Variants in FAM107B observed in about 807,000 individuals in gnomAD.
The protein encoded by FAM107B is family with sequence similarity 107 member B, also known as protein FAM107B.
Under a neutral mutation model 31.5 loss-of-function variants are expected in FAM107B, and 21 were observed. That is an observed-to-expected ratio of 0.67 (90% CI 0.47 to 0.96). The LOEUF (loss-of-function observed/expected upper bound fraction) is 0.96, where lower values mean the gene tolerates loss of function less well. Ranked by LOEUF, FAM107B falls within the 40% of genes least tolerant of loss-of-function variation. The pLI, the probability that FAM107B is intolerant of heterozygous loss-of-function variation, is 0.00. For missense variants in FAM107B, 452 were observed against 377.1 expected (o/e 1.20, Z -1.64); for synonymous variants, 157 against 141.5 (o/e 1.11, Z -0.78).
At chr10:14,725,925 A>G (rs904711013) in intron 1 of FAM107B, among the ~76,000 whole-genome samples, 2 of 145,174 alleles carry the variant, frequency 1.4e-5, no homozygotes, top group African/African-American at 5.2e-5. Flanking sequence ...TCCCAGGTTC[A>G]AGCAATTCTC....
chr10:14,522,302 G>T, intron 3 of FAM107B: 1 of 363,700 alleles, frequency 2.7e-6, no homozygotes, highest in Non-Finnish European at 5.0e-6. Context: ...AGGGCAGTGA[G>T]GGTGGGGATG....
chr10:14,740,185 C>T (rs1045298410), intron 1 of FAM107B, among the ~76,000 whole-genome samples: 7 of 152,108 alleles, frequency 4.6e-5, no homozygotes, highest in Admixed American at 1.3e-4. Context: ...TTCATATTCG[C>T]CAAAACTTGG....
At chr10:14,530,300 A>C (rs754449389) in intron 3 of FAM107B, 32 bp downstream of exon 3, 1 of 1,072,538 alleles carries the variant, frequency 9.3e-7, no homozygotes, top group East Asian at 3.3e-5. Flanking sequence ...AAGTCCTCTT[A>C]AAAAAAAAAT....
At chr10:14,575,196 G>T (rs145734821) in intron 2 of FAM107B, among the ~76,000 whole-genome samples, 1 of 144,020 alleles carries the variant, frequency 6.9e-6, no homozygotes, top group Non-Finnish European at 1.5e-5. Context: ...CGCTAAAGAA[G>T]CTTTTTGTTT....
intron 2 of FAM107B, among the ~76,000 whole-genome samples, chr10:14,662,885 G>T (rs569268242): frequency 6.6e-6 from 1 of 152,172 alleles, no homozygotes; most frequent in Non-Finnish European, 1.5e-5. Context: ...GGTTGCCAAC[G>T]GAGATTAACG....
At chr10:14,743,527 G>A (rs1302361439) in intron 1 of FAM107B, among the ~76,000 whole-genome samples, 1 of 152,152 alleles carries the variant, frequency 6.6e-6, no homozygotes, top group Non-Finnish European at 1.5e-5. Context: ...GTTAATGTTT[G>A]TATAAGATAT....
intron 2 of FAM107B, among the ~76,000 whole-genome samples, chr10:14,623,242 C>CT (rs962855908): frequency 2.6e-5 from 4 of 152,090 alleles, no homozygotes; most frequent in African/African-American, 9.7e-5. Flanking sequence ...GCAAACGCAC[C>CT]TTATTCTTCT....
intron 1 of FAM107B, among the ~76,000 whole-genome samples, chr10:14,747,752 T>C (rs972537565): frequency 6.6e-5 from 10 of 152,210 alleles, no homozygotes; most frequent in African/African-American, 2.2e-4. Flanking sequence ...GCAACCCCTG[T>C]TGGGGGTGTC....
intron 2 of FAM107B, among the ~76,000 whole-genome samples, chr10:14,582,940 GC>G (rs766197494): frequency 3.9e-5 from 6 of 152,066 alleles, no homozygotes; most frequent in Non-Finnish European, 8.8e-5. Context: ...ACAAAAATTA[GC>G]CGGGCAGAGT....
chr10:14,774,596 G>A lies in FAM107B; in HGVS notation c.68C>T (p.Pro23Leu), dbSNP rs1833380543. 2 of 1,614,062 alleles carry A rather than the reference G, an allele frequency of 1.2e-6. No individual in the cohort carries two copies. The highest frequency in any genetic ancestry group is 1.7e-6 in the Non-Finnish European group (2 of 1,180,040). The change falls in exon 1 of 5, where the codon CCG becomes CTG. Residue 23 changes from proline (P) to leucine (L), a missense_variant. By Grantham distance (98) the Pro-to-Leu change is moderately conservative. Transcript: ENST00000181796. ...AAAACAGGCGAGCAGAGCTGAGCAC[G>A]GAAATGGATGCATGCTTCTAGAGGG... ...KSPSRSMHPF[P>L]CSALLACFGN...
At chr10:14,557,505 T>C (rs995823699) in intron 2 of FAM107B, among the ~76,000 whole-genome samples, 6 of 152,216 alleles carry the variant, frequency 3.9e-5, no homozygotes, top group Non-Finnish European at 7.3e-5. Flanking sequence ...CCCAACCAGG[T>C]TGGGTCTGTG....
At chr10:14,529,549 C>T (rs1447461605) in intron 3 of FAM107B, 1 of 152,086 alleles carries the variant, frequency 6.6e-6, no homozygotes, top group African/African-American at 2.4e-5. Context: ...CAGTGGGAGA[C>T]CTTTCACCAG....
intron 2 of FAM107B, among the ~76,000 whole-genome samples, chr10:14,656,895 C>A (rs923678251): frequency 6.6e-6 from 1 of 152,192 alleles, no homozygotes; most frequent in Non-Finnish European, 1.5e-5. Context: ...CTGGAAAGTT[C>A]CATGCCTCCA....
At chr10:14,622,939 T>C (rs997493935) in intron 2 of FAM107B, among the ~76,000 whole-genome samples, 11 of 152,214 alleles carry the variant, frequency 7.2e-5, no homozygotes, top group African/African-American at 2.4e-4. Flanking sequence ...ACACAATTTC[T>C]AGTTTGCCTC....
chr10:14,617,814 T>G (rs1356421890), intron 2 of FAM107B, among the ~76,000 whole-genome samples: 1 of 151,058 alleles, frequency 6.6e-6, no homozygotes, highest in Non-Finnish European at 1.5e-5. Context: ...GGTGCCTAAT[T>G]ACCATGGTGG....
At chr10:14,573,320 C>T (rs759672233) in intron 2 of FAM107B, among the ~76,000 whole-genome samples, 18 of 152,144 alleles carry the variant, frequency 1.2e-4, no homozygotes, top group African/African-American at 4.1e-4. Context: ...TGGAAGACTT[C>T]GGCCCCCTTC....
intron 2 of FAM107B, among the ~76,000 whole-genome samples, chr10:14,583,014 G>A (rs550832467): frequency 2.6e-5 from 4 of 151,630 alleles, no homozygotes; most frequent in South Asian, 2.1e-4. Flanking sequence ...TGAACCCAGC[G>A]GGGTGGAGGC....
intron 2 of FAM107B, among the ~76,000 whole-genome samples, chr10:14,588,304 A>AAGTATT (rs1851909065): frequency 6.6e-6 from 1 of 152,258 alleles, no homozygotes; most frequent in Non-Finnish European, 1.5e-5. Context: ...TAAGTAGGAA[A>AAGTATT]CAGGAAGCTC....
intron 2 of FAM107B, among the ~76,000 whole-genome samples, chr10:14,648,873 T>C (rs1157471556): frequency 6.6e-6 from 1 of 152,186 alleles, no homozygotes; most frequent in African/African-American, 2.4e-5. Flanking sequence ...GATGCTATGA[T>C]AGAGATTAAA....
Sources: allele counts gnomAD v4.1 joint callset (sites outside exome capture counted in the v4.1 genomes callset), GRCh38; gene constraint gnomAD v4.1.1; transcripts MANE v1.5; gene names NCBI Gene and HGNC (gene_info 2026-07-23, HGNC 2026-07-21).